BABAM2: variants seen among roughly 807,000 people sequenced by gnomAD.
BABAM2 encodes the protein BRISC and BRCA1-A complex member 2.
In BABAM2, 31 loss-of-function variants were observed where a neutral mutation model predicts 54.7. That is an observed-to-expected ratio of 0.57 (90% CI 0.43 to 0.77). The LOEUF is 0.77. BABAM2 is among the 30% of genes least tolerant of loss of function. The pLI is 0.00. For missense variants in BABAM2, 364 were observed against 455.8 expected (o/e 0.80, Z 1.83); for synonymous variants, 167 against 162.9 (o/e 1.03, Z -0.19).
intron 7 of BABAM2, among the ~76,000 whole-genome samples, chr2:28,210,239 C>T (rs1407497755): frequency 6.6e-6 from 1 of 152,108 alleles, no homozygotes; most frequent in Non-Finnish European, 1.5e-5. Flanking sequence ...GTATTCAGTA[C>T]CTATTATGTG....
chr2:28,029,919 C>T (rs1292344184), intron 5 of BABAM2, among the ~76,000 whole-genome samples: 6 of 152,114 alleles, frequency 3.9e-5, no homozygotes. Flanking sequence ...CCTCTATCCC[C>T]AGCATTTTCC....
intron 3 of BABAM2, among the ~76,000 whole-genome samples, chr2:27,941,578 A>T (rs1668890231): frequency 6.6e-6 from 1 of 152,006 alleles, no homozygotes; most frequent in African/African-American, 2.4e-5. Context: ...AGAGCAATAT[A>T]GTTGTTTATC....
In BABAM2 at chr2:28,194,848, C is replaced by T. The variant is rs527837803; in HGVS notation, c.681-42354C>T. Among the ~76,000 whole-genome samples, 19 of 152,262 alleles carry T rather than the reference C, an allele frequency of 1.2e-4. No homozygotes were observed. The East Asian group carries it at 2.7e-3, about 22-fold the overall frequency. On this transcript the variant is annotated intron_variant, in intron 7 of 11. Transcript: ENST00000379624. Reference sequence around the variant, plus strand: ...GTGCTGAGATTACAGGTGTGAGCCACTGTTACTTGCCAAATTTTTGCAGTC... The same window carrying T: ...GTGCTGAGATTACAGGTGTGAGCCATTGTTACTTGCCAAATTTTTGCAGTC...
intron 7 of BABAM2, among the ~76,000 whole-genome samples, chr2:28,140,943 T>A (rs1670996285): frequency 6.6e-6 from 1 of 152,192 alleles, no homozygotes; most frequent in South Asian, 2.1e-4. Context: ...ATTTGGTGTC[T>A]GGTGATGACC....
At chr2:28,192,055 G>A (rs1676970747) in intron 7 of BABAM2, among the ~76,000 whole-genome samples, 1 of 152,000 alleles carries the variant, frequency 6.6e-6, no homozygotes, top group Admixed American at 6.6e-5. Flanking sequence ...TTTTTTTTGA[G>A]ACAGAGTCTC....
At chr2:27,991,897 TG>T (rs1324746309) in intron 4 of BABAM2, among the ~76,000 whole-genome samples, 4 of 152,234 alleles carry the variant, frequency 2.6e-5, no homozygotes, top group Non-Finnish European at 5.9e-5. Context: ...CAGGGTCAAA[TG>T]GTAACTCTAT....
At chr2:27,911,062 C>T (rs1270155909) in intron 2 of BABAM2, among the ~76,000 whole-genome samples, 1 of 152,096 alleles carries the variant, frequency 6.6e-6, no homozygotes, top group African/African-American at 2.4e-5. Flanking sequence ...CTCCTTGCTG[C>T]CACCACGTGA....
At chr2:27,943,315 CA>C (rs1263278370) in intron 3 of BABAM2, among the ~76,000 whole-genome samples, 4 of 152,196 alleles carry the variant, frequency 2.6e-5, no homozygotes, top group Non-Finnish European at 4.4e-5. Flanking sequence ...AGGCCAGTCA[CA>C]GTGTGACATT....
intron 4 of BABAM2, among the ~76,000 whole-genome samples, chr2:28,014,485 A>G (rs527901778): frequency 5.6e-4 from 85 of 152,240 alleles, no homozygotes; most frequent in African/African-American, 1.9e-3. Flanking sequence ...TGAGGACTTA[A>G]CCTAACTGTG....
At position 28,233,448 on chromosome 2, in the gene BABAM2, C is replaced by T. The variant is rs565970819; in HGVS notation, c.681-3754C>T. 550 of 351,128 alleles carry T rather than the reference C, an allele frequency of 1.6e-3. 1 individual carries two copies. Among genetic ancestry groups the T allele is most frequent in the Admixed American group, 2.5e-3 (60 of 24,208 alleles). The allele number at this position is 351,128 out of a possible 1,614,324, so 21.8% of individuals were successfully genotyped here. ...CACAAGGCCTTACCACCATCTTGCA[C>T]CCTCTGAAAACATAATGACTCTTTT... On this transcript the variant is annotated intron_variant, in intron 7 of 11. Transcript: ENST00000379624.
chr2:27,964,125 G>C (rs997784429), intron 3 of BABAM2, among the ~76,000 whole-genome samples: 1 of 152,154 alleles, frequency 6.6e-6, no homozygotes, highest in Non-Finnish European at 1.5e-5. Context: ...CATGAGAATG[G>C]ATTAGTTCCC....
At chr2:27,902,338 A>G (rs1297618318) in intron 2 of BABAM2, among the ~76,000 whole-genome samples, 1 of 152,236 alleles carries the variant, frequency 6.6e-6, no homozygotes, top group East Asian at 1.9e-4. Flanking sequence ...ATTTCGGTTA[A>G]ATAAGTAAGT....
chr2:28,338,359 G>A (rs1369945828), intron 11 of BABAM2, 91 bp from the exon 12 acceptor site: 2 of 1,169,300 alleles, frequency 1.7e-6, no homozygotes. Flanking sequence ...AATAACAACT[G>A]TTCTGAGTTA....
chr2:28,012,040 A>G (rs1558655771), intron 4 of BABAM2, among the ~76,000 whole-genome samples: 1 of 152,254 alleles, frequency 6.6e-6, no homozygotes, highest in Non-Finnish European at 1.5e-5. Flanking sequence ...AAAGTGTAAC[A>G]CTAACAAAGT....
At position 28,092,372 on chromosome 2, in the gene BABAM2, A is replaced by G. The variant is rs1017145402; in HGVS notation, c.571-36899A>G. Among the ~76,000 whole-genome samples, 91 of 152,246 alleles carry G rather than the reference A, an allele frequency of 6.0e-4. 1 individual carries two copies. Among genetic ancestry groups the G allele is most frequent in the African/African-American group, 2.1e-3 (87 of 41,468 alleles). On this transcript the variant is annotated intron_variant, in intron 6 of 11. Transcript: ENST00000379624. ...CAAAGAGTGAATTTAGCAAGGGACA[A>G]GATACAAGGGTAGTAGTAAAAATAA...
chr2:28,252,257 C>T (rs1683566219), intron 10 of BABAM2, among the ~76,000 whole-genome samples: 1 of 150,826 alleles, frequency 6.6e-6, no homozygotes, highest in Admixed American at 6.6e-5. Flanking sequence ...AATATCAAAC[C>T]AGTCAGTTCT....
intron 6 of BABAM2, among the ~76,000 whole-genome samples, chr2:28,118,930 G>A (rs1197640323): frequency 1.3e-5 from 2 of 151,874 alleles, no homozygotes; most frequent in African/African-American, 2.4e-5. Context: ...TCCAGTTTCA[G>A]TTTTGTGCAT....
At chr2:27,899,699 T>C (rs1391061300) in intron 2 of BABAM2, among the ~76,000 whole-genome samples, 1 of 152,152 alleles carries the variant, frequency 6.6e-6, no homozygotes, top group African/African-American at 2.4e-5. Flanking sequence ...ACTCCTGACC[T>C]CAGGTGATCT....
intron 7 of BABAM2, among the ~76,000 whole-genome samples, chr2:28,185,268 C>T (rs1338827626): frequency 1.3e-5 from 2 of 152,110 alleles, no homozygotes; most frequent in African/African-American, 2.4e-5. Flanking sequence ...TTCAGACAGC[C>T]GTACACCTGA....
Sources: gnomAD v4.1 joint callset for allele counts (sites outside exome capture counted in the v4.1 genomes callset) on GRCh38, gnomAD v4.1.1 for gene constraint, MANE v1.5 for transcripts, NCBI Gene and HGNC (gene_info 2026-07-23, HGNC 2026-07-21) for gene names.